ZNF280D: variants seen among roughly 807,000 people sequenced by gnomAD.
The protein encoded by ZNF280D is suppressor of hairy wing homolog 4.
In ZNF280D, 39 loss-of-function variants were observed where a neutral mutation model predicts 94.7. That is an observed-to-expected ratio of 0.41 (90% CI 0.32 to 0.54). ZNF280D has a LOEUF of 0.54. Ranked by LOEUF, ZNF280D falls within the 20% of genes least tolerant of loss-of-function variation. The pLI is 0.22. For synonymous variants in ZNF280D, 398 were observed against 377.6 expected (o/e 1.05, Z -0.63); for missense variants, 1,090 against 1,149.3 (o/e 0.95, Z 0.75).
chr15:56,670,824 C>T (rs538274497), intron 13 of ZNF280D, among the ~76,000 whole-genome samples: 5 of 152,150 alleles, frequency 3.3e-5, no homozygotes, highest in Admixed American at 1.3e-4. Context: ...CTCCTTTGCT[C>T]CATAACCTTG....
In ZNF280D at chr15:56,633,335, TATTG is replaced by T. The variant is rs548557453; in HGVS notation, c.2316-1217_2316-1214del. On this transcript the variant is annotated intron_variant, in intron 21 of 21. Transcript: ENST00000267807. ...ACCAGTAGCACCCAGTTTTAACAATTATTGATTAACAATATACTTTAGAACTAAA... is the reference window on the plus strand; with the variant it reads ...ACCAGTAGCACCCAGTTTTAACAATTATTAACAATATACTTTAGAACTAAA... Among the ~76,000 whole-genome samples the T allele has an allele frequency of 5.2e-4, 79 of 152,300 alleles. 1 individual carries two copies. The highest frequency in any genetic ancestry group is 6.8e-3 in the Middle Eastern group (2 of 294).
At chr15:56,658,530 G>C (rs2053697714) in intron 16 of ZNF280D, 44 bp from the exon 17 acceptor site, 8 of 1,358,286 alleles carry the variant, frequency 5.9e-6, no homozygotes, top group Non-Finnish European at 7.0e-6. Flanking sequence ...TATACAATAA[G>C]TCACATTAAT....
intron 19 of ZNF280D, chr15:56,652,767 T>G: frequency 2.0e-6 from 2 of 985,164 alleles, no homozygotes; most frequent in Middle Eastern, 5.2e-4. Context: ...ACCTAAGAAC[T>G]CACAATTAAG....
At chr15:56,637,258 G>A (rs971546957) in intron 20 of ZNF280D, among the ~76,000 whole-genome samples, 4 of 150,490 alleles carry the variant, frequency 2.7e-5, no homozygotes, top group Admixed American at 2.0e-4. Flanking sequence ...CTGCAACCTC[G>A]AACTCCTAAG....
intron 1 of ZNF280D, among the ~76,000 whole-genome samples, chr15:56,720,759 C>CA (rs2058312495): frequency 6.6e-6 from 1 of 152,108 alleles, no homozygotes; most frequent in African/African-American, 2.4e-5. Flanking sequence ...TCCATCAGAG[C>CA]TCTTGGGTGA....
intron 17 of ZNF280D, among the ~76,000 whole-genome samples, chr15:56,655,262 C>A (rs2053470850): frequency 6.6e-6 from 1 of 152,202 alleles, no homozygotes; most frequent in South Asian, 2.1e-4. Context: ...GGCGGGAGTG[C>A]AGTGGCGTGA....
rs2057834640 is a variant in ZNF280D, at chr15:56,712,749, T to TC, written c.-85-5444_-85-5443insG. Among the ~76,000 whole-genome samples, 3 of 149,560 alleles carry TC rather than the reference T, an allele frequency of 2.0e-5. No individual in the cohort carries two copies. The South Asian group carries it at 6.4e-4, about 32-fold the overall frequency. On this transcript the variant is annotated intron_variant, in intron 1 of 21. Coordinates refer to ENST00000267807, the MANE Select transcript of ZNF280D (RefSeq NM_017661.4). ...GGAACATGGTGAATGGCTTTTTTTT[T>TC]TTTTTTTCTGAGGTGGAGTCTTGCT...
intron 9 of ZNF280D, among the ~76,000 whole-genome samples, chr15:56,688,554 G>T (rs1258870648): frequency 6.7e-6 from 1 of 150,366 alleles, no homozygotes; most frequent in Middle Eastern, 3.5e-3. Context: ...ATTCTGGACT[G>T]AGTTAAAACA....
chr15:56,694,882 AG>A (rs1365473777), intron 6 of ZNF280D, among the ~76,000 whole-genome samples: 1 of 152,220 alleles, frequency 6.6e-6, no homozygotes, highest in Non-Finnish European at 1.5e-5. Flanking sequence ...GTTAAAATAA[AG>A]GGAAACTGGG....
At chr15:56,710,266 T>C (rs1468819828) in intron 1 of ZNF280D, among the ~76,000 whole-genome samples, 1 of 152,018 alleles carries the variant, frequency 6.6e-6, no homozygotes, top group East Asian at 1.9e-4. Flanking sequence ...TAGCTGGGCG[T>C]GGTGGCACAC....
intron 4 of ZNF280D, among the ~76,000 whole-genome samples, chr15:56,702,555 A>G (rs1303662977): frequency 1.3e-5 from 2 of 152,228 alleles, no homozygotes; most frequent in Non-Finnish European, 2.9e-5. Context: ...ATCTACAATC[A>G]GTATAAATTC....
At chr15:56,634,496 A>G (rs1210146974) in intron 21 of ZNF280D, among the ~76,000 whole-genome samples, 3 of 152,192 alleles carry the variant, frequency 2.0e-5, no homozygotes, top group Admixed American at 6.5e-5. Flanking sequence ...CTATTGAAGT[A>G]TAAGAAACAC....
chr15:56,680,463 CA>C (rs1340202241), intron 10 of ZNF280D, among the ~76,000 whole-genome samples: 1 of 151,752 alleles, frequency 6.6e-6, no homozygotes, highest in Non-Finnish European at 1.5e-5. Flanking sequence ...TAAACATAAC[CA>C]AAAAAATGAA....
chr15:56,710,335 C>G (rs1396989426), intron 1 of ZNF280D, among the ~76,000 whole-genome samples: 1 of 151,938 alleles, frequency 6.6e-6, no homozygotes, highest in African/African-American at 2.4e-5. Context: ...ACCCAAGAGG[C>G]AGAGGGAGGT....
At chr15:56,679,995 A>T (rs377307117) in intron 10 of ZNF280D, among the ~76,000 whole-genome samples, 8 of 152,256 alleles carry the variant, frequency 5.3e-5, no homozygotes, top group East Asian at 3.8e-4. Context: ...GTCTATTAAC[A>T]TAAAATGTTC....
chr15:56,701,322 T>G (rs1213754991), intron 4 of ZNF280D, 84 bp from the exon 5 acceptor site: 1 of 984,114 alleles, frequency 1.0e-6, no homozygotes, highest in African/African-American at 1.6e-5. Flanking sequence ...TTGAAAACAT[T>G]TAAACAGATT....
chr15:56,685,338 T>TAAAA (rs1321099235), intron 9 of ZNF280D, among the ~76,000 whole-genome samples: 5 of 105,184 alleles, frequency 4.8e-5, no homozygotes, highest in African/African-American at 6.4e-5. Flanking sequence ...TGACATAAGG[T>TAAAA]AAAAAAACAA....
intron 1 of ZNF280D, among the ~76,000 whole-genome samples, chr15:56,726,652 G>A (rs2058643777): frequency 6.6e-6 from 1 of 152,134 alleles, no homozygotes; most frequent in East Asian, 1.9e-4. Flanking sequence ...TAATAGGACT[G>A]CCTAAAAGAA....
intron 1 of ZNF280D, among the ~76,000 whole-genome samples, chr15:56,709,054 C>A (rs1354516483): frequency 5.3e-5 from 8 of 152,152 alleles, no homozygotes; most frequent in Admixed American, 1.3e-4. Flanking sequence ...AAGAAACTAC[C>A]ATCAGAGTGA....
Sources: allele counts gnomAD v4.1 joint callset (sites outside exome capture counted in the v4.1 genomes callset), GRCh38; gene constraint gnomAD v4.1.1; transcripts MANE v1.5; gene names NCBI Gene and HGNC (gene_info 2026-07-23, HGNC 2026-07-21).